KIR3DL1: variants seen among roughly 807,000 people sequenced by gnomAD.
The protein encoded by KIR3DL1 is killer cell immunoglobulin-like receptor 3DL1.
In KIR3DL1, 50 loss-of-function variants were observed where a neutral mutation model predicts 40.3. The ratio of observed to expected loss-of-function variants is 1.24; its 90% confidence interval spans 0.99 to 1.57. The LOEUF is 1.57. Ranked by LOEUF, KIR3DL1 falls within the 40% of genes most tolerant of loss-of-function variation. The probability of loss-of-function intolerance (pLI) is 0.00; values close to 1 mark genes in which losing one functional copy is unlikely to be tolerated. For synonymous variants in KIR3DL1, 257 were observed against 207.2 expected (o/e 1.24, Z -2.07); for missense variants, 661 against 559.9 (o/e 1.18, Z -1.82).
chr19:54,819,398 A>G (rs112686317), intron 3 of KIR3DL1, among the ~76,000 whole-genome samples: 1,997 of 125,732 alleles, frequency 0.016, 113 homozygotes, highest in African/African-American at 0.049. Context: ...GAGCCTGGAC[A>G]TGCAGCCTGT....
chr19:54,817,333 G>A (rs1484258157), intron 1 of KIR3DL1, among the ~76,000 whole-genome samples: 10 of 141,320 alleles, frequency 7.1e-5, no homozygotes, highest in African/African-American at 2.7e-4. Context: ...TGTAGATCTA[G>A]GCCTGGAGGT....
At chr19:54,819,829 G>A (rs1474861078) in exon 4 of KIR3DL1, 1 of 1,612,050 alleles carries the variant, frequency 6.2e-7, no homozygotes, top group Non-Finnish European at 8.5e-7. Flanking sequence ...TCTGCACAAA[G>A]AGGGGATCTC....
intron 4 of KIR3DL1, 99 bp from the exon 5 acceptor site, chr19:54,821,466 A>G (rs2061629318): frequency 1.5e-6 from 2 of 1,353,764 alleles, no homozygotes; most frequent in East Asian, 2.3e-5. Context: ...GAGAGAGAGC[A>G]TTAGGTCATA....
At chr19:54,818,245 C>G in intron 2 of KIR3DL1, 70 bp from the exon 3 acceptor site, 1 of 1,529,318 alleles carries the variant, frequency 6.5e-7, no homozygotes, top group Non-Finnish European at 8.9e-7. Context: ...TGGGGAGAAT[C>G]TTCTGGGCAC....
chr19:54,818,381 C>T, exon 3 of KIR3DL1: 2 of 1,607,148 alleles, frequency 1.2e-6, no homozygotes. Context: ...GGACACGTGA[C>T]TCTTCGGTGT....
At chr19:54,823,387 C>T (rs1213383796) in intron 5 of KIR3DL1, among the ~76,000 whole-genome samples, 1 of 151,364 alleles carries the variant, frequency 6.6e-6, no homozygotes, top group Non-Finnish European at 1.5e-5. Flanking sequence ...AATAGTTGTA[C>T]TAATTTACAT....
At chr19:54,822,689 T>C (rs1231938187) in intron 5 of KIR3DL1, among the ~76,000 whole-genome samples, 2 of 151,034 alleles carry the variant, frequency 1.3e-5, no homozygotes, top group Non-Finnish European at 2.9e-5. Flanking sequence ...CTTCCTGGCC[T>C]CTGGTGTCCA....
intron 6 of KIR3DL1, among the ~76,000 whole-genome samples, chr19:54,827,905 C>G (rs1209863994): frequency 2.0e-5 from 3 of 150,236 alleles, no homozygotes; most frequent in East Asian, 3.9e-4. Flanking sequence ...CCCATCTCAC[C>G]CCTACTTCCA....
At chr19:54,823,384 G>C (rs965311740) in intron 5 of KIR3DL1, among the ~76,000 whole-genome samples, 5 of 151,218 alleles carry the variant, frequency 3.3e-5, no homozygotes, top group African/African-American at 1.2e-4. Context: ...CATAATAGTT[G>C]TACTAATTTA....
rs1174346761 is a variant in KIR3DL1 at position 54,821,942 on chromosome 19, T to C, written c.949+84T>C. On this transcript the variant is annotated intron_variant, in intron 5 of 8. Transcript: ENST00000391728. ...TTCCTGCTGATGATGGAGAAAAGCA[T>C]GGACAGATGCAGAGAGAAGACACAG... is the stretch of plus-strand genomic sequence containing the variant. 8.2e-6 allele frequency: 12 copies of C among 1,466,110 alleles called. No homozygotes were observed. In the East Asian group the frequency reaches 1.6e-4, roughly 20 times the overall value. 90.8% of individuals were successfully genotyped at this position (1,466,110 alleles called of 1,614,324 possible).
rs1040667857 is a variant in KIR3DL1, at chr19:54,830,585, A to G, written c.*310A>G. The G allele has an allele frequency of 7.8e-5, 31 of 397,456 alleles. 1 individual carries two copies. Among genetic ancestry groups the G allele is most frequent in the Non-Finnish European group, 1.3e-4 (29 of 221,122 alleles). The allele number at this position is 397,456 out of a possible 1,614,324, so 24.6% of individuals were successfully genotyped here. On this transcript the variant is annotated 3_prime_UTR_variant, in exon 9 of 9. Transcript: ENST00000391728. ...TCTACTTGAGGCTGCAATCACACTG[A>G]GGAACTCACAATTCCAAACATACAA...
At chr19:54,820,128 A>G (rs2061563284) in intron 4 of KIR3DL1, 116 bp downstream of exon 4, 1 of 1,130,568 alleles carries the variant, frequency 8.8e-7, no homozygotes, top group South Asian at 1.4e-5. Flanking sequence ...ATGGAAAGAG[A>G]GTGACTTGGT....
chr19:54,830,267 T>C (rs1216601676), exon 9 of KIR3DL1: 1 of 1,524,172 alleles, frequency 6.6e-7, no homozygotes, highest in Non-Finnish European at 8.9e-7. Flanking sequence ...AGTTGTCTCC[T>C]GCCCATGAGC....
At chr19:54,818,441 T>C (rs531305611) in exon 3 of KIR3DL1, 11 of 1,607,238 alleles carry the variant, frequency 6.8e-6, no homozygotes, top group Admixed American at 1.7e-5. Flanking sequence ...GAAGACAGAA[T>C]CCACATTCCC....
At chr19:54,821,719 C>G in exon 5 of KIR3DL1, 1 of 1,608,940 alleles carries the variant, frequency 6.2e-7, no homozygotes. Flanking sequence ...CTGCAGTGCG[C>G]AAGGTCAACA....
rs566452141 is a variant in KIR3DL1, at chr19:54,821,851, T to C, written c.942T>C (p.Ser314=). Residue 314 remains serine, a synonymous_variant, in exon 5 of 9, where the codon TCT becomes TCC. Transcript: ENST00000391728. ...ACCCGAGTGACCCACTGCTTGTTTC[T>C]GTCACAGGTGAGAAAAGCCCATATC... 37 of 1,600,792 alleles carry C rather than the reference T, an allele frequency of 2.3e-5. No individual in the cohort carries two copies. The South Asian group carries it at 3.3e-4, about 14-fold the overall frequency.
chr19:54,822,647 A>G (rs1215791489), intron 5 of KIR3DL1, among the ~76,000 whole-genome samples: 1 of 150,692 alleles, frequency 6.6e-6, no homozygotes, highest in East Asian at 1.9e-4. Context: ...AAATACATCT[A>G]TATTCTTTTT....
rs557995956 is a variant in KIR3DL1, at chr19:54,829,897, G to A, written c.1106-31G>A. The A allele has an allele frequency of 6.8e-5, 103 of 1,518,854 alleles. 24 individuals carry two copies. Among genetic ancestry groups the A allele is most frequent in the South Asian group, 6.7e-4 (53 of 79,492 alleles). 94.1% of individuals were successfully genotyped at this position (1,518,854 alleles called of 1,614,324 possible). ...AAATGAGGACCCAGAAGTGCCCTCC[G>A]AGCTCTTTTGTTGACTTCCGTCTCC... On this transcript the variant is annotated intron_variant, in intron 7 of 8. Coordinates refer to ENST00000391728, the Ensembl canonical transcript of KIR3DL1.
In KIR3DL1 at chr19:54,825,021, G is replaced by A; in HGVS notation, c.950-7G>A. 2.7e-6 allele frequency: 4 copies of A among 1,502,142 alleles called. No homozygotes were observed. Among genetic ancestry groups the A allele is most frequent in the Non-Finnish European group, 3.7e-6 (4 of 1,083,912 alleles). The allele number at this position is 1,502,142 out of a possible 1,614,324, so 93.1% of individuals were successfully genotyped here. On this transcript the variant is annotated splice_polypyrimidine_tract_variant and splice_region_variant and intron_variant, in intron 5 of 8. Coordinates refer to ENST00000391728, the Ensembl canonical transcript of KIR3DL1. ...TTTCCTCACATCTCTCCTGTCCCAT[G>A]TTCTAGGAAACCCTTCAAGTAGTTG...
Sources: gnomAD v4.1 joint callset for allele counts (sites outside exome capture counted in the v4.1 genomes callset) on GRCh38, gnomAD v4.1.1 for gene constraint, MANE v1.5 for transcripts, NCBI Gene and HGNC (gene_info 2026-07-23, HGNC 2026-07-21) for gene names.